Variants in CHODL observed in about 807,000 individuals in gnomAD.
The protein encoded by CHODL is chondrolectin.
In CHODL, 29 loss-of-function variants were observed where a neutral mutation model predicts 34.5. The observed-to-expected ratio is 0.84, with a 90% confidence interval of 0.63 to 1.15. The LOEUF is 1.15. Ranked by LOEUF, CHODL falls within the 50% of genes most tolerant of loss-of-function variation. The pLI is 0.00. For missense variants in CHODL, 332 were observed against 332.5 expected, an observed-to-expected ratio of 1.00 and a Z score of 0.01; for synonymous variants, 125 against 116.1, an observed-to-expected ratio of 1.08 and a Z score of -0.49.
intron 1 of CHODL, among the ~76,000 whole-genome samples, chr21:18,015,239 C>A (rs1441087144): frequency 6.6e-6 from 1 of 152,048 alleles, no homozygotes; most frequent in Non-Finnish European, 1.5e-5. Context: ...CCTTGCTGTT[C>A]CCATGATAGT....
Position 18,223,567 on chromosome 21 carries a change from A to G in CHODL, c.-44-32942A>G, listed in dbSNP as rs545324969. On this transcript the variant is annotated intron_variant, in intron 2 of 6. Transcript: ENST00000400127. ...TGTGGTAGGCAGATACGATTTACTA[A>G]ATATATGCCTCTATATTTCTCAGCT... is the stretch of plus-strand genomic sequence containing the variant. Among the ~76,000 whole-genome samples the G allele has an allele frequency of 1.4e-3, 209 of 152,268 alleles. 7 individuals carry two copies. The South Asian group carries it at 0.041, about 30-fold the overall frequency.
At chr21:18,193,705 A>T (rs553633626) in intron 2 of CHODL, among the ~76,000 whole-genome samples, 3 of 146,424 alleles carry the variant, frequency 2.0e-5, no homozygotes, top group Non-Finnish European at 3.0e-5. Flanking sequence ...CAGAAAAAAA[A>T]AAAAATAAAA....
chr21:18,146,812 G>T (rs553166004), intron 2 of CHODL, among the ~76,000 whole-genome samples: 1 of 152,050 alleles, frequency 6.6e-6, no homozygotes, highest in East Asian at 1.9e-4. Context: ...GAATATTTTG[G>T]CATCCACTCT....
At chr21:18,244,499 A>G (rs534652488), upstream of CHODL, among the ~76,000 whole-genome samples, 30 of 152,352 alleles carry the variant, frequency 2.0e-4, no homozygotes, top group African/African-American at 7.0e-4. Context: ...TAGCACAGAA[A>G]GAGAAAGGCC....
chr21:17,946,374 G>C (rs773559925), intron 1 of CHODL, among the ~76,000 whole-genome samples: 9 of 152,104 alleles, frequency 5.9e-5, no homozygotes, highest in Admixed American at 2.0e-4. Context: ...GAGCCGAGAT[G>C]GCGCCACTGC....
chr21:18,110,305 T>C (rs1456383025), intron 2 of CHODL, among the ~76,000 whole-genome samples: 1 of 152,220 alleles, frequency 6.6e-6, no homozygotes, highest in Non-Finnish European at 1.5e-5. Context: ...ATGTGAATTT[T>C]TTGCCACACT....
chr21:18,251,324 G>A (rs534055709), intron 1 of CHODL, among the ~76,000 whole-genome samples: 2 of 148,766 alleles, frequency 1.3e-5, no homozygotes, highest in South Asian at 2.1e-4. Flanking sequence ...GTTTATTTAT[G>A]TAGCTGTGTG....
At chr21:18,189,816 G>A (rs2073490306) in intron 2 of CHODL, among the ~76,000 whole-genome samples, 1 of 151,806 alleles carries the variant, frequency 6.6e-6, no homozygotes, top group South Asian at 2.1e-4. Context: ...TGTATTTTTA[G>A]TAGAGACGGG....
At position 18,245,122 on chromosome 21, in the gene CHODL, C is replaced by A; in HGVS notation, c.-102C>A. 9.4e-7 allele frequency: 1 copy of A among 1,065,508 alleles called. No individual in the cohort carries two copies. The highest frequency in any genetic ancestry group is 1.3e-6 in the Non-Finnish European group (1 of 780,106). The allele number at this position is 1,065,508 out of a possible 1,614,324, so 66.0% of individuals were successfully genotyped here. A position where few individuals can be genotyped will look rare whatever the true frequency, so the allele number is the denominator to read the frequency against. The stretch of plus-strand genomic sequence containing the variant: ...GGGCTCGGGCGGCGGGAGTAGGGCC[C>A]GGCAGGGAGGCAGGGAGGCTGCAGA... On this transcript the variant is annotated 5_prime_UTR_variant, in exon 1 of 6. Transcript: ENST00000299295.
chr21:18,066,931 C>T (rs887928018), intron 2 of CHODL, among the ~76,000 whole-genome samples: 5 of 152,086 alleles, frequency 3.3e-5, no homozygotes, highest in African/African-American at 1.2e-4. Flanking sequence ...CAGAAGAAAC[C>T]AGACCTGATG....
At chr21:18,088,230 G>C (rs1354200082) in intron 2 of CHODL, among the ~76,000 whole-genome samples, 1 of 152,106 alleles carries the variant, frequency 6.6e-6, no homozygotes, top group East Asian at 1.9e-4. Context: ...TGTAGTATGG[G>C]CAAGAAGATG....
chr21:17,959,546 A>G lies in CHODL; in HGVS notation c.-145+42146A>G, dbSNP rs143868372. ...GAAAATTCTCATTTTCCAAATACAT[A>G]TGAAGTAAATAAAAAAGGAAACGGG... On this transcript the variant is annotated intron_variant, in intron 1 of 6. Transcript: ENST00000400127. 2.8e-3 allele frequency among the ~76,000 whole-genome samples: 426 copies of G among 152,328 alleles called. 1 individual carries two copies. The highest frequency in any genetic ancestry group is 8.5e-3 in the African/African-American group (354 of 41,584).
chr21:18,156,396 C>T (rs566884274), intron 2 of CHODL, among the ~76,000 whole-genome samples: 9 of 151,790 alleles, frequency 5.9e-5, no homozygotes, highest in Non-Finnish European at 1.2e-4. Context: ...AGCCCAATGT[C>T]GTGAAGTATA....
intron 1 of CHODL, among the ~76,000 whole-genome samples, chr21:18,000,858 G>A (rs911657376): frequency 6.6e-6 from 1 of 152,094 alleles, no homozygotes; most frequent in Non-Finnish European, 1.5e-5. Context: ...ATGACTTTCA[G>A]AACAGCTTTT....
intron 1 of CHODL, among the ~76,000 whole-genome samples, chr21:17,957,606 T>A (rs2063502296): frequency 6.6e-6 from 1 of 152,150 alleles, no homozygotes; most frequent in African/African-American, 2.4e-5. Flanking sequence ...GCTCATATTC[T>A]ATAAACCAGA....
At chr21:18,237,772 CCCA>C (rs1568949560) in intron 2 of CHODL, among the ~76,000 whole-genome samples, 1 of 152,088 alleles carries the variant, frequency 6.6e-6, no homozygotes, top group Non-Finnish European at 1.5e-5. Flanking sequence ...ACCCAAATTT[CCCA>C]CCTACTGTTT....
chr21:18,245,875 G>T, intron 1 of CHODL: 10 of 1,532,384 alleles, frequency 6.5e-6, no homozygotes, highest in Non-Finnish European at 8.7e-6. Context: ...CCTTTCCTTT[G>T]CACACTGCGT....
chr21:17,976,242 A>T lies in CHODL; in HGVS notation c.-144-51630A>T, dbSNP rs1343044703. On this transcript the variant is annotated intron_variant, in intron 1 of 6. Transcript: ENST00000400127. ...GCCGAGATTGCACCATTGCACTCCA[A>T]CCTGGGTGACACAGTGAGACCATCT... Among the ~76,000 whole-genome samples, 7 of 112,120 alleles carry T rather than the reference A, an allele frequency of 6.2e-5. 1 individual carries two copies. The Admixed American group carries it at 8.1e-4, about 13-fold the overall frequency. 73.6% of individuals were successfully genotyped at this position (112,120 alleles called of 152,430 possible).
chr21:18,231,534 G>A (rs528256871), intron 2 of CHODL, among the ~76,000 whole-genome samples: 89 of 152,226 alleles, frequency 5.8e-4, no homozygotes, highest in African/African-American at 2.1e-3. Flanking sequence ...CCAGGTTGTA[G>A]TTCAGGGTTC....
Sources: allele counts gnomAD v4.1 joint callset (sites outside exome capture counted in the v4.1 genomes callset), GRCh38; gene constraint gnomAD v4.1.1; transcripts MANE v1.5; gene names NCBI Gene and HGNC (gene_info 2026-07-23, HGNC 2026-07-21).